The following HELLS variants were observed in gnomAD, a reference collection of about 807,000 sequenced individuals.
The protein encoded by HELLS is helicase, lymphoid specific.
HELLS carries 32 observed loss-of-function variants against 120.0 expected under a neutral mutation model. The ratio of observed to expected loss-of-function variants is 0.27; its 90% CI spans 0.20 to 0.36. The LOEUF (loss-of-function observed/expected upper bound fraction) is 0.36, where lower values mean the gene tolerates loss of function less well. HELLS is among the 10% of genes least tolerant of loss of function. The probability of loss-of-function intolerance (pLI) is 1.00; values close to 1 mark genes in which losing one functional copy is unlikely to be tolerated. For missense variants in HELLS, 650 were observed against 993.4 expected, an observed-to-expected ratio of 0.65 and a Z score of 4.65; for synonymous variants, 341 against 323.4, an observed-to-expected ratio of 1.05 and a Z score of -0.58.
chr10:94,612,200 G>A (rs1044297264), exon 10 of HELLS: 1 of 152,120 alleles, frequency 6.6e-6, no homozygotes, highest in Non-Finnish European at 1.5e-5. Context: ...TCCTCAGGTG[G>A]TTGTGAGGAT....
chr10:94,569,412 G>C (rs1286494064), intron 6 of HELLS: 1 of 151,712 alleles, frequency 6.6e-6, no homozygotes, highest in Non-Finnish European at 1.5e-5. Flanking sequence ...TCAAACTCCT[G>C]ACCTTGTGAT....
intron 18 of HELLS, 49 bp downstream of exon 18, chr10:94,593,664 A>G: frequency 8.7e-7 from 1 of 1,145,166 alleles, no homozygotes; most frequent in South Asian, 1.3e-5. Context: ...TTCCATTTTG[A>G]ATTTTTTTTT....
chr10:94,602,261 A>C (rs935156216), downstream of HELLS, among the ~76,000 whole-genome samples: 17 of 152,218 alleles, frequency 1.1e-4, no homozygotes, highest in African/African-American at 3.9e-4. Flanking sequence ...GCACAAGAGA[A>C]GTTTCTGAAT....
intron 3 of HELLS, among the ~76,000 whole-genome samples, chr10:94,554,936 C>G (rs1211032031): frequency 6.6e-6 from 1 of 151,856 alleles, no homozygotes; most frequent in Non-Finnish European, 1.5e-5. Context: ...ATTGCTTGAG[C>G]CCAGAAGTTT....
At chr10:94,553,252 C>CT (rs773880491) in intron 2 of HELLS, among the ~76,000 whole-genome samples, 259 of 144,494 alleles carry the variant, frequency 1.8e-3, no homozygotes, top group Middle Eastern at 3.6e-3. Context: ...TTACACATAC[C>CT]TTTTTTTTTT....
chr10:94,591,087 G>C (rs1014612143), intron 15 of HELLS, among the ~76,000 whole-genome samples: 6 of 152,122 alleles, frequency 3.9e-5, no homozygotes, highest in African/African-American at 1.4e-4. Flanking sequence ...TCCTGCCTCA[G>C]CTTCCCAGAG....
chr10:94,600,023 G>C (rs754771884), intron 21 of HELLS, among the ~76,000 whole-genome samples: 1 of 152,054 alleles, frequency 6.6e-6, no homozygotes, highest in Non-Finnish European at 1.5e-5. Context: ...GGGTGTGGTG[G>C]CTCATGCCTA....
downstream of HELLS, among the ~76,000 whole-genome samples, chr10:94,605,072 T>TCCC (rs3054948): frequency 2.6e-3 from 171 of 66,806 alleles, 17 homozygotes; most frequent in African/African-American, 4.4e-3. Flanking sequence ...GTCTTGTGTC[T>TCCC]CCCCCCCCCC....
At chr10:94,608,276 T>C (rs1229656933) in intron 9 of HELLS, among the ~76,000 whole-genome samples, 1 of 152,246 alleles carries the variant, frequency 6.6e-6, no homozygotes, top group African/African-American at 2.4e-5. Context: ...TTAATAATTT[T>C]TCCTATTGTC....
At position 94,597,029 on chromosome 10, in the gene HELLS, C is replaced by G. The variant is rs780304221; in HGVS notation, c.2346-6C>G. The G allele has an allele frequency of 9.6e-6, 15 of 1,562,852 alleles. No homozygotes were observed. Among genetic ancestry groups the G allele is most frequent in the Non-Finnish European group, 1.3e-5 (15 of 1,136,326 alleles). The stretch of plus-strand genomic sequence containing the variant: ...CACATAGACTTGAATATTTTGTTTT[C>G]TATAGGGAAATAAAAGGATCAAGAG... On this transcript the variant is annotated splice_region_variant and splice_polypyrimidine_tract_variant and intron_variant, in intron 20 of 21. Coordinates refer to ENST00000348459, the MANE Select transcript of HELLS (RefSeq NM_018063.5).
At chr10:94,606,936 A>G (rs1043088103), downstream of HELLS, among the ~76,000 whole-genome samples, 4 of 152,198 alleles carry the variant, frequency 2.6e-5, no homozygotes, top group Non-Finnish European at 5.9e-5. Context: ...GAATATGTAC[A>G]TATATATCTG....
intron 6 of HELLS, chr10:94,569,158 G>A (rs1453446345): frequency 6.7e-6 from 1 of 149,678 alleles, no homozygotes; most frequent in East Asian, 2.0e-4. Context: ...TTTAATTCTG[G>A]GATATTTTAA....
intron 13 of HELLS, 115 bp from the exon 14 acceptor site, chr10:94,590,298 T>C (rs2134106714): frequency 1.1e-6 from 1 of 873,128 alleles, no homozygotes; most frequent in South Asian, 1.9e-5. Context: ...CCACAACATT[T>C]GTATTTGTCT....
At chr10:94,590,373 GC>G (rs764235478) in intron 13 of HELLS, 39 bp from the exon 14 acceptor site, 2 of 1,556,044 alleles carry the variant, frequency 1.3e-6, no homozygotes, top group African/African-American at 2.8e-5. Context: ...TAAGGACATA[GC>G]TTTATAAACT....
At chr10:94,560,989 G>A (rs949170779) in intron 4 of HELLS, among the ~76,000 whole-genome samples, 3 of 151,590 alleles carry the variant, frequency 2.0e-5, no homozygotes, top group Admixed American at 6.6e-5. Context: ...CTAGGAGGCC[G>A]AGGTTGCAGT....
At chr10:94,572,007 G>A (rs1564593545) in intron 7 of HELLS, among the ~76,000 whole-genome samples, 1 of 152,136 alleles carries the variant, frequency 6.6e-6, no homozygotes. Flanking sequence ...ACATATTAAA[G>A]ATTTTTAGGC....
Position 94,594,808 on chromosome 10 carries a change from A to G in HELLS, c.2202A>G (p.Glu734=), listed in dbSNP as rs1845663398. The G allele has an allele frequency of 3.1e-6, 5 of 1,613,790 alleles. No homozygotes were observed. Among genetic ancestry groups the G allele is most frequent in the Non-Finnish European group, 4.2e-6 (5 of 1,179,818 alleles). Residue 734 remains glutamate (E), a synonymous_variant, in exon 19 of 22, where the codon GAA becomes GAG. Transcript: ENST00000348459. ...ATACTATCGATCAGAAAATTGTGGA[A>G]AGAGCAGCTGCTAAAAGGAAACTGG... is the stretch of plus-strand genomic sequence containing the variant. ...TANTIDQKIV[E]RAAAKRKLEK...
At position 94,592,532 on chromosome 10, in the gene HELLS, A is replaced by G. The variant is rs199755188; in HGVS notation, c.1971+18A>G. 105 of 1,385,474 alleles carry G rather than the reference A, an allele frequency of 7.6e-5. No individual in the cohort carries two copies. The highest frequency in any genetic ancestry group is 8.2e-5 in the Non-Finnish European group (86 of 1,054,406). The allele number at this position is 1,385,474 out of a possible 1,614,324, so 85.8% of individuals were successfully genotyped here. On this transcript the variant is annotated intron_variant, in intron 17 of 21. Transcript: ENST00000348459. ...AAAAAAACGTAAGACTACTTATGTC[A>G]TACATACCAAACTATTCTTTTATAA... is the stretch of plus-strand genomic sequence containing the variant.
In HELLS at chr10:94,593,510, C is replaced by A. The variant is rs770332266; in HGVS notation, c.1983C>A (p.Phe661Leu). The change falls in exon 18 of 22, where the codon TTC becomes TTA. Residue 661 changes from phenylalanine (F) to leucine (L), a missense_variant. By Grantham distance (22) the Phe-to-Leu change is conservative. Transcript: ENST00000348459. ...CTTTTTGCTTTTAGATGCACAGCTT[C>A]AACACGGATCCAGAGGTGTTTATCT... ...YSEREKNMHS[F>L]NTDPEVFIFL... The A allele has an allele frequency of 6.2e-7, 1 of 1,610,802 alleles. No individual in the cohort carries two copies. Among genetic ancestry groups the A allele is most frequent in the Non-Finnish European group, 8.5e-7 (1 of 1,177,066 alleles).
Sources: allele counts gnomAD v4.1 joint callset (sites outside exome capture counted in the v4.1 genomes callset), GRCh38; gene constraint gnomAD v4.1.1; transcripts MANE v1.5; gene names NCBI Gene and HGNC (gene_info 2026-07-23, HGNC 2026-07-21).